The following CHD2 variants were observed in gnomAD, a reference collection of about 807,000 sequenced individuals.
CHD2 encodes chromodomain helicase DNA binding protein 2, also known as ATP-dependent chromatin remodeler CHD2.
CHD2 carries 28 observed loss-of-function variants against 243.9 expected under a neutral mutation model. That is an observed-to-expected ratio of 0.11 (90% CI 0.09 to 0.16). The LOEUF (loss-of-function observed/expected upper bound fraction) is 0.16. Ranked by LOEUF, CHD2 falls within the 10% of genes least tolerant of loss-of-function variation. The pLI is 1.00. For missense variants in CHD2, 1,386 were observed against 2,209.8 expected, an observed-to-expected ratio of 0.63 and a Z score of 7.47; for synonymous variants, 775 against 779.0, an observed-to-expected ratio of 0.99 and a Z score of 0.09.
chr15:92,968,632 T>C (rs1478185294), intron 17 of CHD2, among the ~76,000 whole-genome samples: 1 of 152,220 alleles, frequency 6.6e-6, no homozygotes, highest in African/African-American at 2.4e-5. Context: ...AAAAAGAAAC[T>C]TTCCCATGTC....
At chr15:92,931,052 A>G (rs1465040565) in intron 5 of CHD2, among the ~76,000 whole-genome samples, 2 of 152,106 alleles carry the variant, frequency 1.3e-5, no homozygotes, top group Middle Eastern at 3.2e-3. Flanking sequence ...AGCTGCTGAC[A>G]CTCAAGTTGC....
chr15:92,927,687 T>C (rs555605601), intron 4 of CHD2, among the ~76,000 whole-genome samples: 59 of 152,288 alleles, frequency 3.9e-4, no homozygotes, highest in African/African-American at 1.4e-3. Context: ...ATTAAATGGG[T>C]AACTTGTTTG....
At chr15:92,963,214 A>T (rs1000998150) in intron 16 of CHD2, among the ~76,000 whole-genome samples, 3 of 152,092 alleles carry the variant, frequency 2.0e-5, no homozygotes, top group African/African-American at 4.8e-5. Context: ...CTGCTATTTT[A>T]CTATTTGTTT....
intron 13 of CHD2, among the ~76,000 whole-genome samples, chr15:92,952,800 GTA>G (rs2053570565): frequency 6.6e-6 from 1 of 152,178 alleles, no homozygotes; most frequent in African/African-American, 2.4e-5. Flanking sequence ...ATATTGTTTA[GTA>G]TATCTAGGGT....
intron 35 of CHD2, among the ~76,000 whole-genome samples, chr15:93,011,232 G>A (rs190173356): frequency 6.2e-4 from 95 of 152,316 alleles, no homozygotes; most frequent in African/African-American, 2.2e-3. Flanking sequence ...AGTAGTACAA[G>A]GTAAGCCCTC....
intron 34 of CHD2, among the ~76,000 whole-genome samples, chr15:93,008,852 G>A (rs2054355302): frequency 6.6e-6 from 1 of 152,176 alleles, no homozygotes; most frequent in Admixed American, 6.5e-5. Context: ...TCTTCAAAAT[G>A]GGCTTGTGAG....
intron 2 of CHD2, among the ~76,000 whole-genome samples, chr15:92,919,632 C>G (rs2052915787): frequency 1.3e-5 from 2 of 152,142 alleles, no homozygotes; most frequent in African/African-American, 4.8e-5. Flanking sequence ...ACCTCATGAT[C>G]TTCCCATCTC....
Position 92,955,416 on chromosome 15 carries a change from C to T in CHD2, c.1720-7C>T. ...AATTATGTCTTAATTATGTTTTTTT[C>T]TTATAGATACGGGAATATGAATGGA... On this transcript the variant is annotated splice_polypyrimidine_tract_variant and splice_region_variant and intron_variant, in intron 14 of 38. Coordinates refer to ENST00000394196, the MANE Select transcript of CHD2 (RefSeq NM_001271.4). 2.6e-6 allele frequency: 4 copies of T among 1,534,434 alleles called. No individual in the cohort carries two copies. The highest frequency in any genetic ancestry group is 2.6e-6 in the Non-Finnish European group (3 of 1,141,778).
At chr15:92,919,540 A>C (rs1226910854) in intron 2 of CHD2, among the ~76,000 whole-genome samples, 1 of 151,998 alleles carries the variant, frequency 6.6e-6, no homozygotes, top group Non-Finnish European at 1.5e-5. Context: ...CTACAGGCAC[A>C]CTACCATGCC....
chr15:92,910,416 G>A (rs1359300082), intron 2 of CHD2, among the ~76,000 whole-genome samples: 2 of 151,876 alleles, frequency 1.3e-5, no homozygotes, highest in East Asian at 1.9e-4. Context: ...TTTTTGAGAC[G>A]GAATCTCACT....
At chr15:93,003,993 G>A (rs544910082) in intron 33 of CHD2, among the ~76,000 whole-genome samples, 17 of 152,020 alleles carry the variant, frequency 1.1e-4, no homozygotes, top group Admixed American at 7.9e-4. Flanking sequence ...GTGTGGTGGC[G>A]TGCGCCTGTA....
intron 2 of CHD2, among the ~76,000 whole-genome samples, chr15:92,910,626 C>A (rs1374456281): frequency 6.6e-6 from 1 of 152,156 alleles, no homozygotes; most frequent in Non-Finnish European, 1.5e-5. Flanking sequence ...AGACTCCTGA[C>A]CTCAAATGAT....
chr15:92,972,117 AAG>A, intron 18 of CHD2, 146 bp from the exon 19 acceptor site: 1 of 1,031,594 alleles, frequency 9.7e-7, no homozygotes, highest in Admixed American at 2.9e-5. Flanking sequence ...TACTGGGAAA[AAG>A]AACATTTCGG....
At chr15:93,002,979 G>C (rs942701991) in intron 33 of CHD2, among the ~76,000 whole-genome samples, 3 of 152,046 alleles carry the variant, frequency 2.0e-5, no homozygotes, top group African/African-American at 7.2e-5. Context: ...TTCTATTTAA[G>C]AACAAATATA....
intron 3 of CHD2, 28 bp downstream of exon 3, chr15:92,924,580 G>T (rs1213928769): frequency 6.3e-7 from 1 of 1,591,418 alleles, no homozygotes; most frequent in African/African-American, 1.3e-5. Flanking sequence ...CAGTACAAAT[G>T]TGCTGCTAGC....
rs2054359798 is a variant in CHD2 at position 93,009,201 on chromosome 15, C to G, written c.4470C>G (p.Asp1490Glu). Residue 1490 changes from aspartate to glutamate, a missense_variant, in exon 35 of 39, where the codon GAC (aspartate) becomes GAG (glutamate). This residue lies in a region of CHD2 where 42 missense variants were observed against 47.6 expected (regional missense o/e 0.88). Coordinates refer to ENST00000394196, the MANE Select transcript of CHD2 (RefSeq NM_001271.4). ...KKALKQLDKP[D>E]KGLNVQEQLE... ...CACTGAAACAGCTCGACAAACCTGA[C>G]AAGGGGCTCAACGTGCAAGAACAGC... 6.2e-7 allele frequency: 1 copy of G among 1,614,074 alleles called. No individual in the cohort carries two copies. The highest frequency in any genetic ancestry group is 1.7e-5 in the Admixed American group (1 of 60,014).
intron 16 of CHD2, among the ~76,000 whole-genome samples, chr15:92,959,891 T>A (rs983266579): frequency 1.3e-5 from 2 of 152,250 alleles, no homozygotes; most frequent in Non-Finnish European, 2.9e-5. Flanking sequence ...ATGTACATTT[T>A]AGGATCAGGT....
intron 5 of CHD2, among the ~76,000 whole-genome samples, chr15:92,933,671 T>A (rs2053216656): frequency 6.6e-6 from 1 of 152,180 alleles, no homozygotes; most frequent in African/African-American, 2.4e-5. Flanking sequence ...AGTAGCACAT[T>A]CACAGCTCAC....
chr15:92,989,834 T>C (rs577576295), intron 26 of CHD2, among the ~76,000 whole-genome samples: 1 of 152,328 alleles, frequency 6.6e-6, no homozygotes, highest in East Asian at 1.9e-4. Flanking sequence ...AAGAGTCTGA[T>C]GATGACAAGA....
Sources: gnomAD v4.1 joint callset for allele counts (sites outside exome capture counted in the v4.1 genomes callset) on GRCh38, gnomAD v4.1.1 for gene constraint, gnomAD v4.1.1 regional missense constraint, MANE v1.5 for transcripts, NCBI Gene and HGNC (gene_info 2026-07-23, HGNC 2026-07-21) for gene names.